Variants in FNTA observed in about 807,000 individuals in gnomAD.
FNTA encodes the protein protein farnesyltransferase/geranylgeranyltransferase type-1 subunit alpha.
A neutral mutation model predicts 55.2 loss-of-function variants in FNTA; 27 were observed. The ratio of observed to expected loss-of-function variants is 0.49; its 90% CI spans 0.36 to 0.67. The LOEUF (loss-of-function observed/expected upper bound fraction) is 0.67, where lower values mean the gene tolerates loss of function less well. Ranked by LOEUF, FNTA falls within the 30% of genes least tolerant of loss-of-function variation. The probability of loss-of-function intolerance (pLI) is 0.00; values close to 1 mark genes in which losing one functional copy is unlikely to be tolerated. For missense variants in FNTA, 422 were observed against 464.7 expected, an observed-to-expected ratio of 0.91 and a Z score of 0.85; for synonymous variants, 176 against 170.7, an observed-to-expected ratio of 1.03 and a Z score of -0.24.
intron 3 of FNTA, among the ~76,000 whole-genome samples, chr8:43,064,841 T>C (rs1485756297): frequency 6.6e-6 from 1 of 151,572 alleles, no homozygotes; most frequent in African/African-American, 2.4e-5. Flanking sequence ...TATTTTTACT[T>C]TTATTTTTTT....
intron 1 of FNTA, 38 bp from the exon 2 acceptor site, chr8:43,059,054 T>G: frequency 2.7e-6 from 4 of 1,483,558 alleles, no homozygotes; most frequent in Non-Finnish European, 3.7e-6. Context: ...TCTTCTGTAT[T>G]TGAATGTAAC....
chr8:43,064,640 C>T (rs575264378), intron 3 of FNTA, among the ~76,000 whole-genome samples: 7 of 151,668 alleles, frequency 4.6e-5, no homozygotes, highest in Middle Eastern at 3.4e-3. Context: ...AATAGCAATT[C>T]GCTTATGGGT....
intron 2 of FNTA, among the ~76,000 whole-genome samples, chr8:43,059,911 A>G (rs935073380): frequency 1.3e-5 from 2 of 152,232 alleles, no homozygotes; most frequent in African/African-American, 2.4e-5. Context: ...ATTAAGTGGA[A>G]GTAGCACAGA....
Position 43,063,403 on chromosome 8 carries a change from G to A in FNTA, c.287-698G>A, listed in dbSNP as rs1810581997. 1.4e-5 allele frequency: 6 copies of A among 428,032 alleles called. No homozygotes were observed. In the Admixed American group the frequency reaches 1.6e-4, roughly 12 times the overall value. The allele number at this position is 428,032 out of a possible 1,614,324, so 26.5% of individuals were successfully genotyped here. A position where few individuals can be genotyped will look rare whatever the true frequency, so the allele number is the denominator to read the frequency against. Reference sequence around the variant, plus strand: ...TCCTTGAATACTTGCACACATATGGGAGTATATTTGTGAGAGAACTTTCTA... The same window carrying A: ...TCCTTGAATACTTGCACACATATGGAAGTATATTTGTGAGAGAACTTTCTA... On this transcript the variant is annotated intron_variant, in intron 2 of 8. Transcript: ENST00000302279.
chr8:43,068,044 C>T (rs1241733182), intron 3 of FNTA, among the ~76,000 whole-genome samples: 4 of 152,142 alleles, frequency 2.6e-5, no homozygotes, highest in African/African-American at 9.7e-5. Flanking sequence ...GGACTACAGG[C>T]GCATGCCACC....
intron 5 of FNTA, among the ~76,000 whole-genome samples, chr8:43,074,277 A>G (rs1274631079): frequency 6.6e-6 from 1 of 152,236 alleles, no homozygotes; most frequent in Non-Finnish European, 1.5e-5. Flanking sequence ...TAATCCCAAC[A>G]CTTTGGGAGG....
intron 6 of FNTA, chr8:43,081,403 T>A (rs1811024685): frequency 6.6e-6 from 1 of 152,220 alleles, no homozygotes; most frequent in Non-Finnish European, 1.5e-5. Flanking sequence ...TAACAGCATT[T>A]ATCAAGCATT....
intron 2 of FNTA, among the ~76,000 whole-genome samples, chr8:43,061,717 G>A (rs574599487): frequency 1.3e-5 from 2 of 151,754 alleles, no homozygotes; most frequent in South Asian, 4.2e-4. Flanking sequence ...ACAATATGTT[G>A]TTTATAATTT....
At chr8:43,081,766 G>A (rs1480503545) in intron 6 of FNTA, 1 of 152,192 alleles carries the variant, frequency 6.6e-6, no homozygotes, top group Non-Finnish European at 1.5e-5. Context: ...GTCTCACTAT[G>A]TTGCCCAGAC....
intron 1 of FNTA, among the ~76,000 whole-genome samples, chr8:43,057,586 T>C (rs1586651179): frequency 1.3e-5 from 2 of 152,188 alleles, no homozygotes; most frequent in Non-Finnish European, 2.9e-5. Context: ...CCCTGTATAA[T>C]GGACACAATT....
At chr8:43,083,048 A>G (rs1310581023) in intron 6 of FNTA, 70 bp from the exon 7 acceptor site, 3 of 623,812 alleles carry the variant, frequency 4.8e-6, no homozygotes, top group Admixed American at 3.8e-5. Flanking sequence ...TCCGTTTCAG[A>G]AAAAAAAAAA....
At chr8:43,083,786 A>G (rs749192359) in intron 7 of FNTA, among the ~76,000 whole-genome samples, 4 of 152,204 alleles carry the variant, frequency 2.6e-5, no homozygotes, top group Admixed American at 6.5e-5. Context: ...TCAAGAGAAG[A>G]CGAGGGCTGG....
chr8:43,067,292 T>G (rs953821152), intron 3 of FNTA, among the ~76,000 whole-genome samples: 3 of 152,232 alleles, frequency 2.0e-5, no homozygotes, highest in African/African-American at 7.2e-5. Context: ...TTTCTGGAAT[T>G]TTCTTAAAGT....
At chr8:43,057,078 A>C (rs555064361) in intron 1 of FNTA, 1 of 152,284 alleles carries the variant, frequency 6.6e-6, no homozygotes, top group African/African-American at 2.4e-5. Flanking sequence ...AGCCAGGCTA[A>C]AGGCTGAAAA....
intron 5 of FNTA, chr8:43,073,426 T>C (rs1057042763): frequency 6.6e-6 from 1 of 152,228 alleles, no homozygotes; most frequent in Non-Finnish European, 1.5e-5. Flanking sequence ...AATTGTGTTG[T>C]AGCTTATGCA....
chr8:43,078,306 G>A (rs1178038408), intron 6 of FNTA: 1 of 151,616 alleles, frequency 6.6e-6, no homozygotes, highest in Admixed American at 6.6e-5. Flanking sequence ...GGCATACCTG[G>A]TTTTTTGAGC....
chr8:43,078,110 T>G (rs1810950356), intron 6 of FNTA: 1 of 152,216 alleles, frequency 6.6e-6, no homozygotes, highest in African/African-American at 2.4e-5. Context: ...TGATTTTGCC[T>G]GGATCGAGGC....
intron 2 of FNTA, among the ~76,000 whole-genome samples, chr8:43,062,589 T>A (rs1426951798): frequency 1.3e-5 from 2 of 152,208 alleles, no homozygotes; most frequent in Non-Finnish European, 2.9e-5. Flanking sequence ...TTCAACTTTT[T>A]AAAGATAGTG....
At chr8:43,063,250 T>C (rs1376154515) in intron 2 of FNTA, 1 of 455,864 alleles carries the variant, frequency 2.2e-6, no homozygotes, top group African/African-American at 2.0e-5. Flanking sequence ...CCGATTAATT[T>C]CTATATTTTT....
Sources: gnomAD v4.1 joint callset for allele counts (sites outside exome capture counted in the v4.1 genomes callset) on GRCh38, gnomAD v4.1.1 for gene constraint, MANE v1.5 for transcripts, NCBI Gene and HGNC (gene_info 2026-07-23, HGNC 2026-07-21) for gene names.